Variants in GTF2H1 observed in about 807,000 individuals in gnomAD.
GTF2H1 encodes the protein BTF2 p62.
In GTF2H1, 16 loss-of-function variants were observed where a neutral mutation model predicts 71.2. That is an observed-to-expected ratio of 0.22 (90% CI 0.15 to 0.34). The LOEUF is 0.34. Ranked by LOEUF, GTF2H1 falls within the 10% of genes least tolerant of loss-of-function variation. The pLI, the probability that GTF2H1 is intolerant of heterozygous loss-of-function variation, is 1.00. For synonymous variants in GTF2H1, 215 were observed against 219.0 expected, an observed-to-expected ratio of 0.98 and a Z score of 0.16; for missense variants, 498 against 648.2, an observed-to-expected ratio of 0.77 and a Z score of 2.52.
intron 1 of GTF2H1, among the ~76,000 whole-genome samples, chr11:18,330,659 C>T (rs4150553): frequency 0.027 from 4,094 of 152,226 alleles, 83 homozygotes; most frequent in African/African-American, 0.053. Context: ...TTTGCTTTCC[C>T]CTGCTCCCAC....
At chr11:18,355,857 G>T (rs1228546607) in intron 11 of GTF2H1, among the ~76,000 whole-genome samples, 1 of 152,080 alleles carries the variant, frequency 6.6e-6, no homozygotes, top group African/African-American at 2.4e-5. Flanking sequence ...ACAAAATCAA[G>T]ATTTTAAAAA....
chr11:18,338,036 A>G (rs1865073747), intron 3 of GTF2H1, 73 bp from the exon 4 acceptor site: 1 of 1,015,840 alleles, frequency 9.8e-7, no homozygotes, highest in African/African-American at 1.6e-5. Context: ...TGTTGCCAAA[A>G]TCTTTTTAAA....
chr11:18,344,795 CATA>C (rs1865246283), intron 7 of GTF2H1, among the ~76,000 whole-genome samples: 1 of 152,098 alleles, frequency 6.6e-6, no homozygotes, highest in Admixed American at 6.6e-5. Flanking sequence ...ATGCTTTAGA[CATA>C]ATGACCATTC....
chr11:18,342,261 T>TTTC (rs1442360688), intron 7 of GTF2H1, among the ~76,000 whole-genome samples: 2 of 132,374 alleles, frequency 1.5e-5, no homozygotes, highest in Non-Finnish European at 3.2e-5. Flanking sequence ...TCTTTTTTTT[T>TTTC]TTTTTTTTTT....
chr11:18,354,208 T>C (rs1401069369), intron 11 of GTF2H1, among the ~76,000 whole-genome samples: 1 of 152,210 alleles, frequency 6.6e-6, no homozygotes, highest in Non-Finnish European at 1.5e-5. Context: ...TCCACAGAAG[T>C]AATGTTGTAT....
chr11:18,355,633 G>GTAACTA (rs766790354), intron 11 of GTF2H1, among the ~76,000 whole-genome samples: 84 of 151,866 alleles, frequency 5.5e-4, no homozygotes, highest in Non-Finnish European at 1.1e-3. Flanking sequence ...AGCCCTCCAA[G>GTAACTA]TAACTAAGTA....
Position 18,366,828 on chromosome 11 carries a change from A to G in GTF2H1, c.*959A>G, listed in dbSNP as rs529029221. On this transcript the variant is annotated 3_prime_UTR_variant, in exon 15 of 15. Transcript: ENST00000265963. The stretch of plus-strand genomic sequence containing the variant: ...ATGTTTCTCCTATCTCCTTTTCTCT[A>G]GTATTTGACTGTTACTGTCCTTGGC... 2.6e-5 allele frequency: 4 copies of G among 151,584 alleles called. No homozygotes were observed. The highest frequency in any genetic ancestry group is 1.9e-4 in the East Asian group (1 of 5,152). The allele number at this position is 151,584 out of a possible 1,614,324, so 9.4% of individuals were successfully genotyped here.
intron 7 of GTF2H1, 46 bp downstream of exon 7, chr11:18,341,653 A>T (rs1271382592): frequency 8.4e-7 from 1 of 1,195,290 alleles, no homozygotes; most frequent in South Asian, 1.3e-5. Flanking sequence ...GTCTTTTCCT[A>T]GTCTTCAACA....
chr11:18,349,137 C>G lies in GTF2H1; in HGVS notation c.1053+1218C>G, dbSNP rs1237868130. Among the ~76,000 whole-genome samples, 4 of 152,252 alleles carry G rather than the reference C, an allele frequency of 2.6e-5. No individual in the cohort carries two copies. The East Asian group carries it at 7.7e-4, about 29-fold the overall frequency. On this transcript the variant is annotated intron_variant, in intron 9 of 14. Transcript: ENST00000265963. Reference sequence around the variant, plus strand: ...GTTGAACTCCTGGCCTCATGTGATCCGCCCATCTCAGCCTCCCAAAGTGCT... The same window carrying G: ...GTTGAACTCCTGGCCTCATGTGATCGGCCCATCTCAGCCTCCCAAAGTGCT...
chr11:18,344,028 A>G (rs542845614), intron 7 of GTF2H1, among the ~76,000 whole-genome samples: 1 of 151,966 alleles, frequency 6.6e-6, no homozygotes, highest in Non-Finnish European at 1.5e-5. Flanking sequence ...GTCTCCCTAT[A>G]TTTCCCAGGC....
At chr11:18,348,995 A>G (rs1865363693) in intron 9 of GTF2H1, among the ~76,000 whole-genome samples, 1 of 152,168 alleles carries the variant, frequency 6.6e-6, no homozygotes, top group African/African-American at 2.4e-5. Flanking sequence ...CCTGGATTCA[A>G]GCAATTCTTC....
chr11:18,329,673 A>G (rs1400305893), intron 1 of GTF2H1, among the ~76,000 whole-genome samples: 4 of 152,208 alleles, frequency 2.6e-5, no homozygotes, highest in Non-Finnish European at 4.4e-5. Context: ...CTTATGCTAT[A>G]TCCTAAGCAG....
At chr11:18,346,407 T>C (rs1188126634) in intron 7 of GTF2H1, among the ~76,000 whole-genome samples, 1 of 152,148 alleles carries the variant, frequency 6.6e-6, no homozygotes, top group Non-Finnish European at 1.5e-5. Flanking sequence ...CACCAGTTTA[T>C]CTTATGGTTC....
At position 18,338,146 on chromosome 11, in the gene GTF2H1, A is replaced by G; in HGVS notation, c.385A>G (p.Lys129Glu). 3 of 1,611,898 alleles carry G rather than the reference A, an allele frequency of 1.9e-6. No individual in the cohort carries two copies. The highest frequency in any genetic ancestry group is 2.5e-6 in the Non-Finnish European group (3 of 1,177,972). Residue 129 changes from lysine (K) to glutamate (E), a missense_variant, in exon 4 of 15, where the codon AAA (lysine) becomes GAA (glutamate). This residue lies in a region of GTF2H1 where 216 missense variants were observed against 306.2 expected (regional missense o/e 0.71). Coordinates refer to ENST00000265963, the MANE Select transcript of GTF2H1 (RefSeq NM_005316.4). ...QEDPVLFQLYKDLVVSQVISA... is the reference protein window; with the variant it reads ...QEDPVLFQLYEDLVVSQVISA... Reference sequence around the variant, plus strand: ...AGATCCTGTTTTGTTTCAGCTTTATAAAGACCTTGTTGTGAGTCAAGTGAT... The same window carrying G: ...AGATCCTGTTTTGTTTCAGCTTTATGAAGACCTTGTTGTGAGTCAAGTGAT...
At chr11:18,360,989 G>C (rs928994179) in intron 14 of GTF2H1, among the ~76,000 whole-genome samples, 1 of 151,680 alleles carries the variant, frequency 6.6e-6, no homozygotes, top group Non-Finnish European at 1.5e-5. Context: ...TATTTTAGTA[G>C]AGACGGGGTT....
At chr11:18,347,959 TC>T (rs764979257) in intron 9 of GTF2H1, 40 bp downstream of exon 9, 2 of 1,283,010 alleles carry the variant, frequency 1.6e-6, no homozygotes, top group Non-Finnish European at 2.3e-6. Context: ...GGCTCAAGTT[TC>T]TCCAAATACT....
intron 11 of GTF2H1, among the ~76,000 whole-genome samples, chr11:18,355,439 A>T (rs948477285): frequency 6.6e-6 from 1 of 151,892 alleles, no homozygotes; most frequent in African/African-American, 2.4e-5. Context: ...CACCACGCCC[A>T]GCCTTTTTTC....
rs187229811 is a variant in GTF2H1, at chr11:18,343,241, T to G, written c.837+1634T>G. Among the ~76,000 whole-genome samples, 183 of 152,256 alleles carry G rather than the reference T, an allele frequency of 1.2e-3. 2 individuals are homozygous for G. The highest frequency in any genetic ancestry group is 4.1e-3 in the African/African-American group (169 of 41,550). ...CCGGCCCAAGCCCAGTTTTTTTGTTTTTGTTTTTGTTTTCCTTAGTGAGGC... is the reference window on the plus strand; with the variant it reads ...CCGGCCCAAGCCCAGTTTTTTTGTTGTTGTTTTTGTTTTCCTTAGTGAGGC... On this transcript the variant is annotated intron_variant, in intron 7 of 14. Transcript: ENST00000265963.
intron 3 of GTF2H1, 87 bp downstream of exon 3, chr11:18,336,033 G>A (rs538618232): frequency 4.4e-6 from 4 of 909,766 alleles, no homozygotes; most frequent in African/African-American, 3.4e-5. Flanking sequence ...CTATCCCCAC[G>A]TTTTTTCGGT....
Sources: allele counts gnomAD v4.1 joint callset (sites outside exome capture counted in the v4.1 genomes callset), GRCh38; gene constraint gnomAD v4.1.1; regional missense constraint gnomAD v4.1.1; transcripts MANE v1.5; gene names NCBI Gene and HGNC (gene_info 2026-07-23, HGNC 2026-07-21).